The following PHF20L1 variants were observed in gnomAD, a reference collection of about 807,000 sequenced individuals.
PHF20L1 encodes PHD finger protein 20-like protein 1.
In PHF20L1, 44 loss-of-function variants were observed where a neutral mutation model predicts 125.5. The observed-to-expected ratio is 0.35, with a 90% CI of 0.28 to 0.45. The LOEUF (loss-of-function observed/expected upper bound fraction) is 0.45. Among genes scored for constraint, PHF20L1 ranks in the 20% least tolerant of loss-of-function variants. PHF20L1 has a pLI of 1.00. For synonymous variants in PHF20L1, 380 were observed against 403.1 expected, an observed-to-expected ratio of 0.94 and a Z score of 0.69; for missense variants, 1,012 against 1,217.2, an observed-to-expected ratio of 0.83 and a Z score of 2.51.
At chr8:132,816,210 G>A (rs1019284495) in intron 10 of PHF20L1, 2 of 151,714 alleles carry the variant, frequency 1.3e-5, no homozygotes. Context: ...ATATTATATT[G>A]CTAGAAGATG....
rs779353835 is a variant in PHF20L1, at chr8:132,837,841, A to G, written c.2191+30A>G. 4 of 1,482,628 alleles carry G rather than the reference A, an allele frequency of 2.7e-6. No individual in the cohort carries two copies. In the Admixed American group the frequency reaches 6.7e-5, roughly 25 times the overall value. The allele number at this position is 1,482,628 out of a possible 1,614,324, so 91.8% of individuals were successfully genotyped here. A position where few individuals can be genotyped will look rare whatever the true frequency, so the allele number is the denominator to read the frequency against. ...GGCTTTCTGTGCCGTGCTGATTGCCAGGATGCCTCTATGTCTCCTCCAGGA... is the reference window on the plus strand; with the variant it reads ...GGCTTTCTGTGCCGTGCTGATTGCCGGGATGCCTCTATGTCTCCTCCAGGA... On this transcript the variant is annotated intron_variant, in intron 17 of 20. Transcript: ENST00000395386.
intron 8 of PHF20L1, chr8:132,808,807 T>C (rs1256916315): frequency 7.2e-6 from 1 of 138,394 alleles, no homozygotes; most frequent in Non-Finnish European, 1.5e-5. Context: ...TTTAGTTTTT[T>C]GGTTTTTGCT....
chr8:132,807,634 A>G, intron 8 of PHF20L1: 1 of 431,246 alleles, frequency 2.3e-6, no homozygotes, highest in South Asian at 1.7e-5. Context: ...TGAAAAGTAG[A>G]CCAAGAATGT....
chr8:132,822,561 C>G (rs987024304), intron 12 of PHF20L1, among the ~76,000 whole-genome samples: 2 of 151,922 alleles, frequency 1.3e-5, no homozygotes, highest in Non-Finnish European at 2.9e-5. Flanking sequence ...TTATTGTTTT[C>G]AAGGAAATTG....
intron 8 of PHF20L1, 142 bp downstream of exon 8, chr8:132,804,882 A>G: frequency 2.8e-6 from 2 of 709,530 alleles, no homozygotes; most frequent in Admixed American, 2.6e-5. Flanking sequence ...TGGTTCTTCA[A>G]GGTCAATGTC....
chr8:132,832,662 C>A (rs1169950593), intron 15 of PHF20L1, among the ~76,000 whole-genome samples: 1 of 151,910 alleles, frequency 6.6e-6, no homozygotes, highest in African/African-American at 2.4e-5. Flanking sequence ...TTTTTATATT[C>A]TTCACTATCA....
At chr8:132,809,035 T>C (rs1834060235) in intron 8 of PHF20L1, 1 of 151,990 alleles carries the variant, frequency 6.6e-6, no homozygotes, top group Non-Finnish European at 1.5e-5. Flanking sequence ...TAATCATAAA[T>C]GTATCAAAAT....
Position 132,803,815 on chromosome 8 carries a change from G to C in PHF20L1, c.508-4G>C. The C allele has an allele frequency of 6.4e-7, 1 of 1,556,816 alleles. No homozygotes were observed. The highest frequency in any genetic ancestry group is 2.3e-5 in the East Asian group (1 of 43,426). On this transcript the variant is annotated splice_region_variant and splice_polypyrimidine_tract_variant and intron_variant, in intron 6 of 20. Transcript: ENST00000395386. ...TTCACATGTTTTGTGTTTTTCCTTT[G>C]GAGGATTGGATAGCTTTAGTCAAAG...
chr8:132,803,038 A>G (rs1399697377), intron 6 of PHF20L1, among the ~76,000 whole-genome samples: 2 of 151,850 alleles, frequency 1.3e-5, no homozygotes, highest in Admixed American at 6.6e-5. Context: ...CTTTTTTTAT[A>G]ATAAGCATTT....
At position 132,837,696 on chromosome 8, in the gene PHF20L1, CCT is replaced by C. The variant is rs1837521243; in HGVS notation, c.2092-13_2092-12del. 2.5e-6 allele frequency: 4 copies of C among 1,594,356 alleles called. No homozygotes were observed. Among genetic ancestry groups the C allele is most frequent in the Non-Finnish European group, 2.6e-6 (3 of 1,162,902 alleles). ...GTGAGGATCGGGTGACTGTAATACT[CCT>C]CTGTTTTCTGCAGTGTGAAGAGTGC... On this transcript the variant is annotated splice_polypyrimidine_tract_variant and intron_variant, in intron 16 of 20. Transcript: ENST00000395386.
At chr8:132,807,129 CAT>C (rs1833810620) in intron 8 of PHF20L1, 1 of 151,988 alleles carries the variant, frequency 6.6e-6, no homozygotes, top group Non-Finnish European at 1.5e-5. Flanking sequence ...TACAGATATA[CAT>C]ATATATTTCT....
At chr8:132,831,289 G>A (rs967841045) in intron 14 of PHF20L1, among the ~76,000 whole-genome samples, 6 of 152,048 alleles carry the variant, frequency 3.9e-5, no homozygotes, top group Non-Finnish European at 7.4e-5. Flanking sequence ...GTTCCAGCCA[G>A]TCTTACAGCT....
rs185895993 is a variant in PHF20L1, at chr8:132,799,629, A to G, written c.507+457A>G. The G allele has an allele frequency of 4.5e-3, 687 of 153,488 alleles. 7 individuals are homozygous for G. Among genetic ancestry groups the G allele is most frequent in the Non-Finnish European group, 3.9e-3 (270 of 68,838 alleles). The allele number at this position is 153,488 out of a possible 1,614,324, so 9.5% of individuals were successfully genotyped here. Reference sequence around the variant, plus strand: ...TGAAAGTAGTGTGTAAAAATGTCTAATATGGAAATATGCTACGTATTTGTT... The same window carrying G: ...TGAAAGTAGTGTGTAAAAATGTCTAGTATGGAAATATGCTACGTATTTGTT... On this transcript the variant is annotated intron_variant, in intron 6 of 20. Transcript: ENST00000395386.
At chr8:132,837,566 T>C (rs1837502597) in intron 16 of PHF20L1, 146 bp from the exon 17 acceptor site, 2 of 595,742 alleles carry the variant, frequency 3.4e-6, no homozygotes, top group African/African-American at 1.8e-5. Context: ...AAGTCATGGC[T>C]TGATTTTGTT....
intron 15 of PHF20L1, among the ~76,000 whole-genome samples, chr8:132,833,894 A>T (rs1224307772): frequency 6.6e-6 from 1 of 152,082 alleles, no homozygotes; most frequent in Non-Finnish European, 1.5e-5. Flanking sequence ...CTGCCCAGAG[A>T]GTGTGTTAAA....
At chr8:132,798,064 C>G (rs1832622047) in intron 4 of PHF20L1, among the ~76,000 whole-genome samples, 1 of 151,982 alleles carries the variant, frequency 6.6e-6, no homozygotes, top group African/African-American at 2.4e-5. Context: ...TCATAATAGA[C>G]AAACAAAATC....
intron 10 of PHF20L1, chr8:132,815,618 T>C (rs1438512337): frequency 2.0e-5 from 3 of 151,902 alleles, no homozygotes; most frequent in Non-Finnish European, 4.4e-5. Flanking sequence ...AAAAATGAAA[T>C]ACATGATCAG....
At chr8:132,832,511 T>G in intron 15 of PHF20L1, 112 bp downstream of exon 15, 1 of 697,878 alleles carries the variant, frequency 1.4e-6, no homozygotes, top group Non-Finnish European at 2.4e-6. Flanking sequence ...TTAGCTAAAC[T>G]AATATGAAAG....
intron 14 of PHF20L1, chr8:132,826,772 A>G (rs1259316937): frequency 6.6e-6 from 1 of 151,966 alleles, no homozygotes; most frequent in East Asian, 1.9e-4. Context: ...ACCTTCAAAA[A>G]TGATGATACT....
Sources: gnomAD v4.1 joint callset for allele counts (sites outside exome capture counted in the v4.1 genomes callset) on GRCh38, gnomAD v4.1.1 for gene constraint, MANE v1.5 for transcripts, NCBI Gene and HGNC (gene_info 2026-07-23, HGNC 2026-07-21) for gene names.